Variants in CHD8 observed in about 807,000 individuals in gnomAD.
CHD8 encodes the protein chromodomain helicase DNA binding protein 8.
Under a neutral mutation model 279.2 loss-of-function variants are expected in CHD8, and 31 were observed. The observed-to-expected ratio is 0.11, with a 90% CI of 0.08 to 0.15. CHD8 has a LOEUF of 0.15. Among genes scored for constraint, CHD8 ranks in the 10% least tolerant of loss-of-function variants. The pLI is 1.00. For missense variants in CHD8, 2,146 were observed against 3,230.5 expected (o/e 0.66, Z 8.14); for synonymous variants, 1,081 against 1,139.6 (o/e 0.95, Z 1.04).
intron 5 of CHD8, among the ~76,000 whole-genome samples, chr14:21,416,857 G>A (rs1425888890): frequency 1.3e-5 from 2 of 151,844 alleles, no homozygotes; most frequent in Middle Eastern, 3.2e-3. Context: ...TGTAATCCTA[G>A]CACTTTGGGA....
intron 37 of CHD8, among the ~76,000 whole-genome samples, chr14:21,390,071 C>T (rs1046342927): frequency 3.3e-5 from 5 of 151,998 alleles, no homozygotes; most frequent in Non-Finnish European, 7.4e-5. Context: ...CTCGTCCCTA[C>T]TAAAAATACA....
chr14:21,445,705 A>AG (rs1890098639), intron 1 of CHD8, among the ~76,000 whole-genome samples: 1 of 146,598 alleles, frequency 6.8e-6, no homozygotes. Flanking sequence ...AAAAAAAAAA[A>AG]AAAAAAAAAA....
chr14:21,453,561 T>C (rs1047115011), intron 1 of CHD8, among the ~76,000 whole-genome samples: 2 of 151,830 alleles, frequency 1.3e-5, no homozygotes, highest in African/African-American at 4.9e-5. Flanking sequence ...GTCACAGTAA[T>C]GTAAGGACAG....
Position 21,441,902 on chromosome 14 carries a change from C to CAAAT in CHD8, c.-215-10045_-215-10044insATTT, listed in dbSNP as rs901031784. ...AGACTCCACCTCAAAAACAAACAAA[C>CAAAT]AAACAAACAAAAACCAAAAAGAAAA... On this transcript the variant is annotated intron_variant, in intron 1 of 37. Transcript: ENST00000646647. 5.3e-5 allele frequency among the ~76,000 whole-genome samples: 8 copies of CAAAT among 151,412 alleles called. 1 individual carries two copies. The highest frequency in any genetic ancestry group is 5.3e-4 in the Admixed American group (8 of 15,202).
Position 21,428,981 on chromosome 14 carries a change from C to T in CHD8, c.1198G>A (p.Val400Met). The T allele has an allele frequency of 6.2e-7, 1 of 1,613,924 alleles. No homozygotes were observed. Residue 400 changes from valine (V) to methionine (M), a missense_variant, in exon 3 of 38, where the codon GTG (valine) becomes ATG (methionine). This residue lies in a region of CHD8 where 170 missense variants were observed against 189.9 expected (regional missense o/e 0.90). Coordinates refer to ENST00000646647, the MANE Select transcript of CHD8 (RefSeq NM_001170629.2). ...TCTCTCACCTGTGGCTGCAGTACCA[C>T]CTTGACTGGTACTGAAAGTCTTTGT... ...PGQRLSVPVKVVLQPQAGSSQ... is the reference protein window; with the variant it reads ...PGQRLSVPVKMVLQPQAGSSQ...
At chr14:21,439,255 C>G (rs532798781) in intron 1 of CHD8, among the ~76,000 whole-genome samples, 124 of 152,292 alleles carry the variant, frequency 8.1e-4, no homozygotes, top group African/African-American at 2.8e-3. Flanking sequence ...CTTTAGATGT[C>G]TTATTTTTTA....
At chr14:21,419,965 C>T (rs1176203509) in intron 5 of CHD8, 1 of 199,020 alleles carries the variant, frequency 5.0e-6, no homozygotes, top group East Asian at 1.7e-4. Flanking sequence ...ATTTAAAGGA[C>T]CAGCCATCAG....
chr14:21,432,254 T>C (rs997487931), intron 1 of CHD8, among the ~76,000 whole-genome samples: 5 of 152,228 alleles, frequency 3.3e-5, no homozygotes, highest in African/African-American at 1.2e-4. Context: ...ACTCTATAGA[T>C]AAAGGTTTCT....
At position 21,403,527 on chromosome 14, in the gene CHD8, A is replaced by G. The variant is rs1888123918; in HGVS notation, c.3444T>C (p.Gly1148=). Residue 1148 remains glycine, a synonymous_variant, in exon 17 of 38, where the codon GGT becomes GGC. Coordinates refer to ENST00000646647, the MANE Select transcript of CHD8 (RefSeq NM_001170629.2). This position sits in a 1 kb window ranked among gnomAD's most constrained non-coding sequence, Gnocchi z 4.3. ...GAGAGAAGATCAGAACTTTATGGCC[A>G]CCAGCTTTAAGCTTTGGAAGCAACT... ...IDKLLPKLKA[G]GHKVLIFSQM... is the part of the protein sequence containing the mutation. 2 of 1,613,854 alleles carry G rather than the reference A, an allele frequency of 1.2e-6. No homozygotes were observed. Among genetic ancestry groups the G allele is most frequent in the South Asian group, 1.1e-5 (1 of 91,026 alleles).
chr14:21,442,284 C>T (rs994273724), intron 1 of CHD8, among the ~76,000 whole-genome samples: 22 of 152,008 alleles, frequency 1.4e-4, no homozygotes, highest in African/African-American at 5.3e-4. Flanking sequence ...CTGGGCAACA[C>T]GGCGAAACCC....
At chr14:21,392,982 A>G in intron 33 of CHD8, 124 bp downstream of exon 33, 1 of 1,252,424 alleles carries the variant, frequency 8.0e-7, no homozygotes, top group Non-Finnish European at 1.1e-6. Flanking sequence ...TGGAAAAAAA[A>G]AAAAAAACTT....
At chr14:21,448,103 A>ATTTACTAAAAAT (rs2139571580) in intron 1 of CHD8, among the ~76,000 whole-genome samples, 2 of 152,254 alleles carry the variant, frequency 1.3e-5, no homozygotes. Context: ...TAATAGAAAT[A>ATTTACTAAAAAT]TATAAATATT....
intron 1 of CHD8, chr14:21,437,289 G>GC: frequency 2.6e-6 from 3 of 1,133,438 alleles, no homozygotes; most frequent in Non-Finnish European, 3.3e-6. Context: ...GCTCCTGCCC[G>GC]CCCCGCGCCA....
intron 5 of CHD8, among the ~76,000 whole-genome samples, chr14:21,418,614 G>C (rs919429746): frequency 1.3e-5 from 2 of 152,170 alleles, no homozygotes; most frequent in Non-Finnish European, 2.9e-5. Flanking sequence ...AGGAGATCGA[G>C]ACCATCCTGG....
At position 21,408,129 on chromosome 14, in the gene CHD8, A is replaced by T. The variant is rs951642791; in HGVS notation, c.2730+183T>A. Among the ~76,000 whole-genome samples, 3 of 152,220 alleles carry T rather than the reference A, an allele frequency of 2.0e-5. No homozygotes were observed. The East Asian group carries it at 5.8e-4, about 29-fold the overall frequency. On this transcript the variant is annotated intron_variant, in intron 13 of 37. Coordinates refer to ENST00000646647, the MANE Select transcript of CHD8 (RefSeq NM_001170629.2). This position sits in a 1 kb window ranked among gnomAD's most constrained non-coding sequence, Gnocchi z 4.3. ...ATCAAATGTCTACTAGGTAAAAAAA[A>T]TAGCAAAGTCAAAAAAATGCCCTGC...
chr14:21,403,215 GT>G lies in CHD8; in HGVS notation c.3519-4del. On this transcript the variant is annotated splice_region_variant and splice_polypyrimidine_tract_variant and intron_variant, in intron 17 of 37. Coordinates refer to ENST00000646647, the MANE Select transcript of CHD8 (RefSeq NM_001170629.2). The surrounding 1 kb of genome is among the most constrained non-coding windows in gnomAD (Gnocchi z 4.3). The stretch of plus-strand genomic sequence containing the variant: ...CATCAATACGTTCATATAAGTACCT[GT>G]ATGGGAATCGCAGAAAAAAAATGTA... The G allele has an allele frequency of 1.2e-6, 2 of 1,611,918 alleles. No homozygotes were observed. The highest frequency in any genetic ancestry group is 8.5e-7 in the Non-Finnish European group (1 of 1,178,564).
chr14:21,420,108 G>A (rs1244130516), intron 5 of CHD8: 2 of 155,862 alleles, frequency 1.3e-5, no homozygotes, highest in African/African-American at 4.8e-5. Context: ...CTTCACTCAG[G>A]GCACCTGCCC....
chr14:21,431,376 T>C lies in CHD8; in HGVS notation c.268A>G (p.Ile90Val), dbSNP rs906982387. ...KESTAPAPES[I>V]TLHDYTTQPA... ...TGAGTGGTATAATCATGCAAGGTTA[T>C]GGATTCTGGAGCTGGAGCTGTGGAT... Residue 90 changes from isoleucine to valine, a missense_variant, in exon 2 of 38, where the codon ATA becomes GTA. Ile to Val is a conservative substitution (Grantham distance 29). Coordinates refer to ENST00000646647, the MANE Select transcript of CHD8 (RefSeq NM_001170629.2). The C allele has an allele frequency of 1.9e-5, 29 of 1,537,236 alleles. No homozygotes were observed. The highest frequency in any genetic ancestry group is 2.3e-5 in the Non-Finnish European group (26 of 1,146,954).
chr14:21,418,659 TA>T (rs1034483446), intron 5 of CHD8, among the ~76,000 whole-genome samples: 3 of 151,488 alleles, frequency 2.0e-5, no homozygotes, highest in Non-Finnish European at 2.9e-5. Flanking sequence ...ACTAAAAATA[TA>T]AAAAAATTAG....
Sources: gnomAD v4.1 joint callset for allele counts (sites outside exome capture counted in the v4.1 genomes callset) on GRCh38, gnomAD v4.1.1 for gene constraint, gnomAD v4.1.1 regional missense constraint, Gnocchi (gnomAD v3.1) non-coding constraint, MANE v1.5 for transcripts, NCBI Gene and HGNC (gene_info 2026-07-23, HGNC 2026-07-21) for gene names.